The following WDR59 variants were observed in gnomAD, a reference collection of about 807,000 sequenced individuals.
WDR59 encodes GATOR2 complex protein WDR59.
In WDR59, 100 loss-of-function variants were observed where a neutral mutation model predicts 131.2. The observed-to-expected ratio is 0.76, with a 90% confidence interval of 0.65 to 0.90. The LOEUF is 0.90. Ranked by LOEUF, WDR59 falls within the 40% of genes least tolerant of loss-of-function variation. The pLI is 0.00. For missense variants in WDR59, 1,203 were observed against 1,262.2 expected, an observed-to-expected ratio of 0.95 and a Z score of 0.71; for synonymous variants, 601 against 466.2, an observed-to-expected ratio of 1.29 and a Z score of -3.72.
chr16:74,889,124 T>C (rs4888306), intron 21 of WDR59, among the ~76,000 whole-genome samples: 151,892 of 152,362 alleles, frequency 1, 75,714 homozygotes, highest in Middle Eastern at 1. Context: ...TTAAGCAAAC[T>C]TCAACTTGAA....
At chr16:74,965,991 C>T (rs1481383953) in intron 1 of WDR59, among the ~76,000 whole-genome samples, 169 bp from the exon 2 acceptor site, 1 of 152,124 alleles carries the variant, frequency 6.6e-6, no homozygotes, top group Non-Finnish European at 1.5e-5. Flanking sequence ...ATTTACAACC[C>T]AATTCCACAT....
intron 20 of WDR59, among the ~76,000 whole-genome samples, chr16:74,890,981 GCACAC>G (rs1965015195): frequency 6.6e-6 from 1 of 152,018 alleles, no homozygotes; most frequent in South Asian, 2.1e-4. Flanking sequence ...GGGCATGGTG[GCACAC>G]GCCTGTAGTC....
In WDR59 at chr16:74,899,618, C is replaced by T. The variant is rs967112712; in HGVS notation, c.1866+4329G>A. The T allele has an allele frequency of 2.6e-6, 3 of 1,174,720 alleles. No individual in the cohort carries two copies. In the African/African-American group the frequency reaches 4.8e-5, roughly 19 times the overall value. The allele number at this position is 1,174,720 out of a possible 1,614,324, so 72.8% of individuals were successfully genotyped here. ...GCCTGTCATTTCAGGTTCCTCAAAG[C>T]CAGGCAGGTGGCATTTTATTCTTGG... On this transcript the variant is annotated intron_variant, in intron 18 of 25. Coordinates refer to ENST00000262144, the MANE Select transcript of WDR59 (RefSeq NM_030581.4).
intron 25 of WDR59, among the ~76,000 whole-genome samples, chr16:74,882,807 CAAAAAAA>C (rs569507124): frequency 1.2e-4 from 6 of 51,420 alleles, no homozygotes; most frequent in African/African-American, 8.1e-5. Context: ...AACACTGTCT[CAAAAAAA>C]AAAAAAAAAA....
Position 74,888,277 on chromosome 16 carries a change from C to G in WDR59, c.2238G>C (p.Ala746=). 6.2e-7 allele frequency: 1 copy of G among 1,613,974 alleles called. No homozygotes were observed. The highest frequency in any genetic ancestry group is 1.1e-5 in the South Asian group (1 of 91,068). The part of the protein sequence containing the change: ...YCRLRDVQTL[A]MLCSVFEAQS... The stretch of plus-strand genomic sequence containing the variant: ...GGGCTTCAAACACGCTACAGAGCAT[C>G]GCCAGTGTCTGAACATCCCGGAGCC... The change falls in exon 22 of 26, where the codon GCG becomes GCC. Residue 746 remains alanine, a synonymous_variant. Transcript: ENST00000262144.
intron 2 of WDR59, among the ~76,000 whole-genome samples, chr16:74,959,877 G>C (rs1411929002): frequency 1.3e-5 from 2 of 149,068 alleles, no homozygotes; most frequent in Non-Finnish European, 3.0e-5. Flanking sequence ...AAATTCAAAG[G>C]AAACGGCGAT....
At position 74,874,175 on chromosome 16, in the gene WDR59, C is replaced by G. The variant is rs1271749048; in HGVS notation, c.*34G>C. 1.9e-6 allele frequency: 3 copies of G among 1,573,878 alleles called. No homozygotes were observed. In the Admixed American group the frequency reaches 5.2e-5, roughly 27 times the overall value. The stretch of plus-strand genomic sequence containing the variant: ...CTTGTCACCGGCACTTATGGGTCCT[C>G]TGGGATTTCAGACAATACCCAACTT... On this transcript the variant is annotated 3_prime_UTR_variant, in exon 26 of 26. Coordinates refer to ENST00000262144, the MANE Select transcript of WDR59 (RefSeq NM_030581.4).
At chr16:74,899,103 A>T (rs1374995456) in intron 18 of WDR59, among the ~76,000 whole-genome samples, 1 of 152,226 alleles carries the variant, frequency 6.6e-6, no homozygotes, top group Non-Finnish European at 1.5e-5. Flanking sequence ...GGAAATGGCC[A>T]ATAGGAGTAA....
chr16:74,942,277 C>G (rs1337414010), intron 7 of WDR59, among the ~76,000 whole-genome samples: 1 of 152,104 alleles, frequency 6.6e-6, no homozygotes, highest in Non-Finnish European at 1.5e-5. Flanking sequence ...AGCACCCTAC[C>G]TTGCTCATCG....
intron 25 of WDR59, among the ~76,000 whole-genome samples, chr16:74,883,704 T>C (rs1279488272): frequency 2.0e-5 from 3 of 152,164 alleles, no homozygotes; most frequent in Admixed American, 2.0e-4. Flanking sequence ...TTGCTCTTCC[T>C]CTACGACCCT....
At chr16:74,980,205 C>A (rs994198829) in intron 1 of WDR59, among the ~76,000 whole-genome samples, 10 of 151,384 alleles carry the variant, frequency 6.6e-5, no homozygotes, top group Admixed American at 6.0e-4. Flanking sequence ...GGAAGCACTT[C>A]ACAGTAGTTG....
intron 1 of WDR59, among the ~76,000 whole-genome samples, chr16:74,984,139 T>TGGTGGTGCGC (rs2034532700): frequency 6.6e-6 from 1 of 151,852 alleles, no homozygotes; most frequent in African/African-American, 2.4e-5. Context: ...TAGCCGGGCG[T>TGGTGGTGCGC]GGTGGTGCGC....
At chr16:74,891,704 C>G (rs531104001) in intron 20 of WDR59, among the ~76,000 whole-genome samples, 1 of 152,372 alleles carries the variant, frequency 6.6e-6, no homozygotes, top group South Asian at 2.1e-4. Context: ...AGAAGGATCA[C>G]TTGAGGCCAG....
At chr16:74,980,356 C>CTTTTTT (rs35672894) in intron 1 of WDR59, among the ~76,000 whole-genome samples, 2 of 132,572 alleles carry the variant, frequency 1.5e-5, no homozygotes, top group Non-Finnish European at 3.3e-5. Context: ...AAATCTAAGT[C>CTTTTTT]TTTTTTTTTT....
At chr16:74,902,470 C>A (rs1965599256) in intron 18 of WDR59, among the ~76,000 whole-genome samples, 1 of 152,154 alleles carries the variant, frequency 6.6e-6, no homozygotes, top group South Asian at 2.1e-4. Context: ...AACATGGACA[C>A]AGGCTTAAAA....
chr16:74,917,965 G>C lies in WDR59; in HGVS notation c.930C>G (p.Thr310=). Residue 310 remains threonine, a synonymous_variant, in exon 11 of 26, where the codon ACC becomes ACG. Transcript: ENST00000262144. ...YQLVTWSRDQ[T]LRMWRVDSQM... is the part of the protein sequence containing the mutation. ...GGGAATCCACCCGCCACATTCTCAA[G>C]GTCTGATCCCGGGACCACGTCACCA... is the stretch of plus-strand genomic sequence containing the variant. 1 of 1,614,044 alleles carries C rather than the reference G, an allele frequency of 6.2e-7. No individual in the cohort carries two copies. The highest frequency in any genetic ancestry group is 8.5e-7 in the Non-Finnish European group (1 of 1,180,000).
intron 7 of WDR59, among the ~76,000 whole-genome samples, chr16:74,939,110 C>T (rs2032028950): frequency 6.6e-6 from 1 of 151,684 alleles, no homozygotes; most frequent in East Asian, 2.0e-4. Context: ...GGTGGATCAC[C>T]TGAGGTCAGG....
chr16:74,927,769 G>A (rs1469476556), intron 8 of WDR59, among the ~76,000 whole-genome samples: 1 of 151,572 alleles, frequency 6.6e-6, no homozygotes, highest in Non-Finnish European at 1.5e-5. Context: ...GTGGCAGCAA[G>A]AGAAACTACT....
chr16:74,956,432 A>G lies in WDR59; in HGVS notation c.240+43T>C, dbSNP rs1477396203. ...GGCATAGATCTGCCAGCCCCAGATG[A>G]CACATTTAACAGCATTCTCCTGTAT... On this transcript the variant is annotated intron_variant, in intron 3 of 25. Transcript: ENST00000262144. The G allele has an allele frequency of 1.9e-6, 3 of 1,599,548 alleles. No homozygotes were observed. The East Asian group carries it at 6.7e-5, about 36-fold the overall frequency.
Sources: gnomAD v4.1 joint callset for allele counts (sites outside exome capture counted in the v4.1 genomes callset) on GRCh38, gnomAD v4.1.1 for gene constraint, MANE v1.5 for transcripts, NCBI Gene and HGNC (gene_info 2026-07-23, HGNC 2026-07-21) for gene names.